The following FUBP1 variants were observed in gnomAD, a reference collection of about 807,000 sequenced individuals.
FUBP1 encodes far upstream element binding protein 1.
A neutral mutation model predicts 94.9 loss-of-function variants in FUBP1; 16 were observed. The ratio of observed to expected loss-of-function variants is 0.17; its 90% confidence interval spans 0.11 to 0.26. The LOEUF is 0.26. Ranked by LOEUF, FUBP1 falls within the 10% of genes least tolerant of loss-of-function variation. The pLI is 1.00. For missense variants in FUBP1, 583 were observed against 808.6 expected (o/e 0.72, Z 3.38); for synonymous variants, 279 against 254.9 (o/e 1.09, Z -0.90).
At chr1:77,976,366 A>T (rs1658587097) in intron 1 of FUBP1, among the ~76,000 whole-genome samples, 1 of 152,248 alleles carries the variant, frequency 6.6e-6, no homozygotes, top group Non-Finnish European at 1.5e-5. Context: ...TTTTATAAAG[A>T]AATCATTACA....
chr1:77,949,032 T>G (rs1652809468), intron 19 of FUBP1, 123 bp downstream of exon 19: 6 of 1,014,700 alleles, frequency 5.9e-6, no homozygotes, highest in Middle Eastern at 3.1e-4. Flanking sequence ...AGTACTTCAT[T>G]TAAATAGTTA....
In FUBP1 at chr1:77,962,946, A is replaced by C; in HGVS notation, c.1184-16T>G. The C allele has an allele frequency of 6.2e-7, 1 of 1,601,466 alleles. No individual in the cohort carries two copies. The highest frequency in any genetic ancestry group is 8.5e-7 in the Non-Finnish European group (1 of 1,170,268). ...GTTTCACCTCCTAAAATCAAAAGACAGTAATTTCTCTAAAGGTTTCAAGGG... is the reference window on the plus strand; with the variant it reads ...GTTTCACCTCCTAAAATCAAAAGACCGTAATTTCTCTAAAGGTTTCAAGGG... On this transcript the variant is annotated splice_polypyrimidine_tract_variant and intron_variant, in intron 13 of 19. Coordinates refer to ENST00000370768, the MANE Select transcript of FUBP1 (RefSeq NM_003902.5).
At chr1:77,962,415 G>A (rs1393694914) in intron 14 of FUBP1, among the ~76,000 whole-genome samples, 3 of 152,034 alleles carry the variant, frequency 2.0e-5, no homozygotes, top group African/African-American at 7.2e-5. Flanking sequence ...TGTTTGCCTC[G>A]CTGGGGTTCA....
rs558375660 is a variant in FUBP1 at position 77,944,842 on chromosome 1, C to A, written c.*3924G>T. Among the ~76,000 whole-genome samples the A allele has an allele frequency of 1.3e-5, 2 of 151,678 alleles. No homozygotes were observed. The highest frequency in any genetic ancestry group is 2.1e-4 in the South Asian group (1 of 4,798). On this transcript the variant is annotated 3_prime_UTR_variant, in exon 20 of 20. Transcript: ENST00000370768. ...AAATTACTAGTTTTAGTATTAAAAC[C>A]ATTTTTTATATTAAAAAATAAAACT...
At chr1:77,978,861 T>C in intron 1 of FUBP1, 24 bp downstream of exon 1, 1 of 1,613,600 alleles carries the variant, frequency 6.2e-7, no homozygotes, top group South Asian at 1.1e-5. Flanking sequence ...GCTTTCGGGA[T>C]TCCGCCGCGC....
intron 17 of FUBP1, among the ~76,000 whole-genome samples, chr1:77,956,181 TGAA>T (rs1379614125): frequency 1.3e-5 from 2 of 152,244 alleles, no homozygotes; most frequent in African/African-American, 2.4e-5. Context: ...TATGTATTTT[TGAA>T]GAAGTACCCA....
At chr1:77,967,937 T>C (rs1472953265) in intron 3 of FUBP1, among the ~76,000 whole-genome samples, 1 of 152,126 alleles carries the variant, frequency 6.6e-6, no homozygotes, top group African/African-American at 2.4e-5. Context: ...TTGGAGTTGT[T>C]AAATATGTAA....
upstream of FUBP1, chr1:77,979,160 T>G: frequency 4.2e-6 from 3 of 715,086 alleles, no homozygotes; most frequent in Non-Finnish European, 6.8e-6. Context: ...AATCTCGCGA[T>G]GTTTCCGAGG....
At chr1:77,978,191 T>C (rs1659067973) in intron 1 of FUBP1, among the ~76,000 whole-genome samples, 1 of 152,258 alleles carries the variant, frequency 6.6e-6, no homozygotes, top group Non-Finnish European at 1.5e-5. Context: ...GGGAAAGTGG[T>C]GCCTTCAGGG....
intron 1 of FUBP1, among the ~76,000 whole-genome samples, chr1:77,970,234 C>T (rs1000049512): frequency 6.6e-6 from 1 of 152,072 alleles, no homozygotes; most frequent in Non-Finnish European, 1.5e-5. Context: ...TGATACATCC[C>T]TATAAGAAGC....
At chr1:77,974,376 C>T (rs929215329) in intron 1 of FUBP1, among the ~76,000 whole-genome samples, 9 of 152,124 alleles carry the variant, frequency 5.9e-5, no homozygotes, top group East Asian at 3.9e-4. Flanking sequence ...TCGTGATCCA[C>T]CCGCCTCAGC....
rs1172007894 is a variant in FUBP1 at position 77,969,053 on chromosome 1, T to G, written c.212-850A>C. The G allele has an allele frequency of 2.3e-6, 3 of 1,290,424 alleles. No individual in the cohort carries two copies. In the East Asian group the frequency reaches 1.5e-4, roughly 65 times the overall value. The allele number at this position is 1,290,424 out of a possible 1,614,324, so 79.9% of individuals were successfully genotyped here. On this transcript the variant is annotated intron_variant, in intron 2 of 19. Transcript: ENST00000370768. Reference sequence around the variant, plus strand: ...AAGGAGAGGGCATTCCCTCCCAGTGTGTTGTACTGCTCGGACTTGTCCAAG... The same window carrying G: ...AAGGAGAGGGCATTCCCTCCCAGTGGGTTGTACTGCTCGGACTTGTCCAAG...
In FUBP1 at chr1:77,948,362, T is replaced by A. The variant is rs1652624842; in HGVS notation, c.*404A>T. 2 of 1,057,008 alleles carry A rather than the reference T, an allele frequency of 1.9e-6. No individual in the cohort carries two copies. Among genetic ancestry groups the A allele is most frequent in the Non-Finnish European group, 2.3e-6 (2 of 870,074 alleles). The allele number at this position is 1,057,008 out of a possible 1,614,324, so 65.5% of individuals were successfully genotyped here. On this transcript the variant is annotated 3_prime_UTR_variant, in exon 20 of 20. Coordinates refer to ENST00000370768, the MANE Select transcript of FUBP1 (RefSeq NM_003902.5). ...TCTTAATTTATCATTGCTAAGAAAT[T>A]ATGAATCCTTTAAATACCCACATAT...
At position 77,949,305 on chromosome 1, in the gene FUBP1, G is replaced by GA. The variant is rs762232309; in HGVS notation, c.1781-6dup. ...TCGGAGCAGGAACTGCCTGACCTTT[G>GA]AAAAAAAAGAACTTTGTTGCTGTAA... On this transcript the variant is annotated splice_region_variant and splice_polypyrimidine_tract_variant and intron_variant, in intron 18 of 19. Transcript: ENST00000370768. 3.4e-5 allele frequency: 54 copies of GA among 1,604,014 alleles called. No homozygotes were observed. Among genetic ancestry groups the GA allele is most frequent in the Admixed American group, 5.2e-5 (3 of 58,050 alleles).
rs1651751698 is a variant in FUBP1 at position 77,944,526 on chromosome 1, T to A, written c.*4240A>T. Among the ~76,000 whole-genome samples, 1 of 151,896 alleles carries A rather than the reference T, an allele frequency of 6.6e-6. No homozygotes were observed. Among genetic ancestry groups the A allele is most frequent in the South Asian group, 2.1e-4 (1 of 4,832 alleles). On this transcript the variant is annotated 3_prime_UTR_variant, in exon 20 of 20. Coordinates refer to ENST00000370768, the MANE Select transcript of FUBP1 (RefSeq NM_003902.5). ...AGAGCCAAAATTATCTTTAATTAGGTATTGTTATAATGCATTTTAAAGTGA... is the reference window on the plus strand; with the variant it reads ...AGAGCCAAAATTATCTTTAATTAGGAATTGTTATAATGCATTTTAAAGTGA...
chr1:77,977,717 G>C (rs1444334403), intron 1 of FUBP1, among the ~76,000 whole-genome samples: 1 of 152,204 alleles, frequency 6.6e-6, no homozygotes, highest in Non-Finnish European at 1.5e-5. Context: ...AACATGTTCA[G>C]AATTTCTTAA....
intron 1 of FUBP1, among the ~76,000 whole-genome samples, chr1:77,977,783 C>A (rs1321629640): frequency 6.6e-6 from 1 of 152,142 alleles, no homozygotes; most frequent in Non-Finnish European, 1.5e-5. Flanking sequence ...GTTGACTACT[C>A]CTAGTATTTC....
intron 16 of FUBP1, among the ~76,000 whole-genome samples, chr1:77,957,112 A>G (rs1654612970): frequency 6.6e-6 from 1 of 152,224 alleles, no homozygotes; most frequent in Non-Finnish European, 1.5e-5. Flanking sequence ...ATAAGAAAGA[A>G]AATTATTTTA....
rs12027636 is a variant in FUBP1, at chr1:77,944,555, A to T, written c.*4211T>A. Among the ~76,000 whole-genome samples, 7,365 of 152,020 alleles carry T rather than the reference A, an allele frequency of 0.048. 396 individuals carry two copies. The highest frequency in any genetic ancestry group is 0.14 in the African/African-American group (5,715 of 41,516). ...GTTATAATGCATTTTAAAGTGAGGC[A>T]GAGTTTGCAGAAAATAAAAACAAGA... On this transcript the variant is annotated 3_prime_UTR_variant, in exon 20 of 20. Coordinates refer to ENST00000370768, the MANE Select transcript of FUBP1 (RefSeq NM_003902.5).
Sources: allele counts gnomAD v4.1 joint callset (sites outside exome capture counted in the v4.1 genomes callset), GRCh38; gene constraint gnomAD v4.1.1; transcripts MANE v1.5; gene names NCBI Gene and HGNC (gene_info 2026-07-23, HGNC 2026-07-21).